Variants in DNAH8 observed in about 807,000 individuals in gnomAD.
DNAH8 encodes the protein axonemal beta dynein heavy chain 8.
Under a neutral mutation model 562.1 loss-of-function variants are expected in DNAH8, and 382 were observed. The ratio of observed to expected loss-of-function variants is 0.68; its 90% CI spans 0.63 to 0.74. DNAH8 has a LOEUF of 0.74. DNAH8 is among the 30% of genes least tolerant of loss of function. The pLI, the probability that DNAH8 is intolerant of heterozygous loss-of-function variation, is 0.00. For synonymous variants in DNAH8, 1,881 were observed against 1,919.4 expected (o/e 0.98, Z 0.52); for missense variants, 5,203 against 5,620.4 (o/e 0.93, Z 2.37).
At position 38,894,827 on chromosome 6, in the gene DNAH8, CT is replaced by C. The variant is rs779503307; in HGVS notation, c.8714del (p.Phe2905SerfsTer8). The C allele has an allele frequency of 3.1e-6, 5 of 1,614,012 alleles. No homozygotes were observed. The highest frequency in any genetic ancestry group is 4.2e-6 in the Non-Finnish European group (5 of 1,179,968). On this transcript the variant is annotated frameshift_variant, in exon 59 of 93. Coordinates refer to ENST00000327475, the MANE Select transcript of DNAH8 (RefSeq NM_001206927.2). LOFTEE classifies it high-confidence loss of function. ...ECASIPTLLS[L>X]FKHECSRVIA... ...CGCTTCAATCCCTACTCTCCTGTCC[CT>C]TTTCAAACACGAGTGCAGCAGAGTA...
chr6:38,828,381 C>T (rs1773551427), intron 30 of DNAH8, 93 bp downstream of exon 30: 1 of 628,250 alleles, frequency 1.6e-6, no homozygotes, highest in Non-Finnish European at 2.6e-6. Flanking sequence ...AATATACAGT[C>T]ATGTGCCACA....
intron 91 of DNAH8, among the ~76,000 whole-genome samples, chr6:39,017,267 C>T (rs1473293761): frequency 1.3e-5 from 2 of 151,928 alleles, no homozygotes; most frequent in South Asian, 2.1e-4. Context: ...CTGTTTTTCC[C>T]GAAGGTGCGC....
chr6:38,782,212 T>C (rs560093884), intron 16 of DNAH8, among the ~76,000 whole-genome samples: 1 of 152,184 alleles, frequency 6.6e-6, no homozygotes, highest in East Asian at 1.9e-4. Context: ...ATTGCCCTGT[T>C]TGACATGTGA....
intron 4 of DNAH8, among the ~76,000 whole-genome samples, chr6:38,730,396 T>C (rs1457252851): frequency 1.3e-5 from 2 of 152,226 alleles, no homozygotes; most frequent in African/African-American, 4.8e-5. Context: ...ATAGCTGGTT[T>C]TCCCTACTGT....
chr6:38,925,749 AAATCAGGTTTAATATGC>A (rs1451568444), intron 73 of DNAH8, among the ~76,000 whole-genome samples: 2 of 152,118 alleles, frequency 1.3e-5, no homozygotes, highest in Non-Finnish European at 2.9e-5. Flanking sequence ...CATTAACCCC[AAATCAGGTTTAATATGC>A]AATCAACTTG....
intron 27 of DNAH8, 51 bp downstream of exon 27, chr6:38,823,085 CT>C: frequency 6.8e-7 from 1 of 1,472,666 alleles, no homozygotes; most frequent in Non-Finnish European, 9.1e-7. Flanking sequence ...GTCTCTAATT[CT>C]TGAGGGTGGA....
intron 88 of DNAH8, among the ~76,000 whole-genome samples, chr6:39,007,275 G>A (rs1255103039): frequency 6.6e-6 from 1 of 152,124 alleles, no homozygotes; most frequent in Non-Finnish European, 1.5e-5. Flanking sequence ...TAAAAGGTAT[G>A]CAAGTATAAT....
chr6:38,846,715 A>G (rs1193047068), intron 36 of DNAH8, among the ~76,000 whole-genome samples: 1 of 152,180 alleles, frequency 6.6e-6, no homozygotes, highest in Non-Finnish European at 1.5e-5. Context: ...CCTATGGTTC[A>G]TTGCAAATTT....
chr6:38,971,778 A>G lies in DNAH8; in HGVS notation c.12525+113A>G, dbSNP rs1264703241. 9.7e-6 allele frequency: 7 copies of G among 723,910 alleles called. No individual in the cohort carries two copies. In the African/African-American group the frequency reaches 1.3e-4, roughly 13 times the overall value. The allele number at this position is 723,910 out of a possible 1,614,324, so 44.8% of individuals were successfully genotyped here. On this transcript the variant is annotated intron_variant, in intron 83 of 92. Coordinates refer to ENST00000327475, the MANE Select transcript of DNAH8 (RefSeq NM_001206927.2). ...AATCCTGGTTTTTCCATTTTTGTTT[A>G]TCATTACCTGTGAATTTTAAACCTC...
At chr6:38,723,274 A>G in intron 2 of DNAH8, 63 bp from the exon 3 acceptor site, 1 of 1,577,666 alleles carries the variant, frequency 6.3e-7, no homozygotes, top group Admixed American at 1.9e-5. Flanking sequence ...TTTACAAAGT[A>G]TGAAACAGTT....
chr6:38,863,886 G>A lies in DNAH8; in HGVS notation c.6324G>A (p.Ser2108=), dbSNP rs779129421. 2.8e-5 allele frequency: 45 copies of A among 1,595,166 alleles called. No homozygotes were observed. Among genetic ancestry groups the A allele is most frequent in the Non-Finnish European group, 3.3e-5 (39 of 1,175,504 alleles). The change falls in exon 45 of 93, where the codon TCG becomes TCA. Residue 2108 remains serine, a synonymous_variant. Transcript: ENST00000327475. ...LGRIFKGLAQ[S]GSWGCFDEFN... ...TTTTCATGCCAGGTCTTGCACAGTC[G>A]GGTTCCTGGGGCTGTTTTGATGAGT...
At chr6:38,731,705 T>G (rs556339791) in intron 4 of DNAH8, among the ~76,000 whole-genome samples, 7 of 152,210 alleles carry the variant, frequency 4.6e-5, no homozygotes, top group African/African-American at 1.4e-4. Flanking sequence ...TTCATCTACA[T>G]TTCTTTGTTG....
chr6:38,798,293 ATG>A (rs1770473219), intron 21 of DNAH8, among the ~76,000 whole-genome samples: 1 of 152,236 alleles, frequency 6.6e-6, no homozygotes, highest in Non-Finnish European at 1.5e-5. Flanking sequence ...ATTTTGTAGA[ATG>A]TGGATTATAT....
chr6:38,939,753 T>C (rs12664669), intron 79 of DNAH8, among the ~76,000 whole-genome samples: 2,248 of 152,288 alleles, frequency 0.015, 27 homozygotes, highest in Middle Eastern at 0.027. Context: ...CGTGGCAAAA[T>C]GTTTCAATCT....
Position 38,848,737 on chromosome 6 carries a change from A to G in DNAH8, c.5135A>G (p.Gln1712Arg), listed in dbSNP as rs747709832. 2 of 1,613,574 alleles carry G rather than the reference A, an allele frequency of 1.2e-6. No homozygotes were observed. Among genetic ancestry groups the G allele is most frequent in the South Asian group, 2.2e-5 (2 of 91,054 alleles). The change falls in exon 37 of 93, where the codon CAG becomes CGG. Residue 1712 changes from glutamine (Q) to arginine (R), a missense_variant. Physicochemically the swap from Gln to Arg is conservative, Grantham distance 43. This residue lies in a region of DNAH8 where 2,176 missense variants were observed against 2,365.1 expected (regional missense o/e 0.92). Coordinates refer to ENST00000327475, the MANE Select transcript of DNAH8 (RefSeq NM_001206927.2). ...ATAATTGAAGAGTGGCTCGTAGTAC[A>G]GAACCTTTGGGTTTATCTTGAAGCC... ...SDIIEEWLVV[Q>R]NLWVYLEAVF... is the part of the protein sequence containing the mutation.
chr6:38,938,748 T>TA, intron 78 of DNAH8, 50 bp from the exon 79 acceptor site: 1 of 1,416,686 alleles, frequency 7.1e-7, no homozygotes, highest in South Asian at 1.3e-5. Context: ...GAAAGTTTTT[T>TA]AAAAAAAGAA....
chr6:38,761,858 TTTTAC>T, intron 11 of DNAH8, 55 bp downstream of exon 11: 4 of 1,043,192 alleles, frequency 3.8e-6, no homozygotes, highest in Non-Finnish European at 5.5e-6. Context: ...TCCTGCCCAA[TTTTAC>T]TTTGTTTATT....
chr6:38,903,206 A>C lies in DNAH8; in HGVS notation c.9195-3048A>C, dbSNP rs79084681. On this transcript the variant is annotated intron_variant, in intron 62 of 92. Transcript: ENST00000327475. ...ATGAATACCTGAGGCTGTGTAATTT[A>C]TTTAAAAACAGGTTTGTTTTGGCTC... Among the ~76,000 whole-genome samples the C allele has an allele frequency of 2.5e-3, 375 of 152,218 alleles. 7 individuals are homozygous for C. In the East Asian group the frequency reaches 0.044, roughly 18 times the overall value.
chr6:38,860,659 T>A, intron 43 of DNAH8, 30 bp downstream of exon 43: 1 of 1,456,404 alleles, frequency 6.9e-7, no homozygotes, highest in Non-Finnish European at 9.2e-7. Flanking sequence ...TTTTTTATTT[T>A]GTAATTTTAA....
Sources: gnomAD v4.1 joint callset for allele counts (sites outside exome capture counted in the v4.1 genomes callset) on GRCh38, gnomAD v4.1.1 for gene constraint, gnomAD v4.1.1 regional missense constraint, MANE v1.5 for transcripts, NCBI Gene and HGNC (gene_info 2026-07-23, HGNC 2026-07-21) for gene names.